The following CADM2 variants were observed in gnomAD, a reference collection of about 807,000 sequenced individuals.
The protein encoded by CADM2 is cell adhesion molecule 2.
In CADM2, 12 loss-of-function variants were observed where a neutral mutation model predicts 49.8. The ratio of observed to expected loss-of-function variants is 0.24; its 90% CI spans 0.15 to 0.39. CADM2 has a LOEUF of 0.39. CADM2 is among the 10% of genes least tolerant of loss of function. The pLI is 1.00. For synonymous variants in CADM2, 214 were observed against 175.4 expected (o/e 1.22, Z -1.74); for missense variants, 378 against 492.3 (o/e 0.77, Z 2.20).
chr3:85,220,463 TG>T (rs1190315739), intron 1 of CADM2, among the ~76,000 whole-genome samples: 39 of 152,128 alleles, frequency 2.6e-4, no homozygotes, highest in Admixed American at 1.3e-4. Context: ...ATTCATTTTT[TG>T]TTTGTCTCTG....
intron 8 of CADM2, among the ~76,000 whole-genome samples, chr3:86,062,609 C>G (rs148808675): frequency 0.038 from 5,703 of 151,654 alleles, 334 homozygotes; most frequent in African/African-American, 0.13. Flanking sequence ...GAAACCCTGT[C>G]TCTACTAAAA....
chr3:85,050,519 C>G (rs1425235306), intron 1 of CADM2, among the ~76,000 whole-genome samples: 1 of 151,856 alleles, frequency 6.6e-6, no homozygotes, highest in African/African-American at 2.4e-5. Flanking sequence ...TATATTTTAT[C>G]TCATTTGATA....
intron 1 of CADM2, among the ~76,000 whole-genome samples, chr3:85,111,316 A>C (rs1265230370): frequency 6.6e-6 from 1 of 151,810 alleles, no homozygotes; most frequent in African/African-American, 2.4e-5. Flanking sequence ...AACTTTTTAA[A>C]GTTAAAAAAT....
intron 1 of CADM2, among the ~76,000 whole-genome samples, chr3:84,963,053 G>T (rs2030687748): frequency 6.6e-6 from 1 of 152,124 alleles, no homozygotes; most frequent in Non-Finnish European, 1.5e-5. Flanking sequence ...TTTAGGAAAT[G>T]AATAATAGAT....
chr3:85,331,393 C>G lies in CADM2; in HGVS notation c.61+371725C>G, dbSNP rs541562559. On this transcript the variant is annotated intron_variant, in intron 1 of 9. Transcript: ENST00000383699. ...ACATGTGATATTTGTTTTTCTGTTC[C>G]TGACTTATTAGCCATATTTTACAAC... 2.0e-5 allele frequency among the ~76,000 whole-genome samples: 3 copies of G among 151,728 alleles called. No homozygotes were observed. The East Asian group carries it at 5.9e-4, about 30-fold the overall frequency.
intron 6 of CADM2, among the ~76,000 whole-genome samples, chr3:85,923,619 A>T (rs9869154): frequency 0.087 from 13,210 of 151,758 alleles, 722 homozygotes; most frequent in Non-Finnish European, 0.12. Context: ...ACTTCTTTTA[A>T]TTTTTTACAA....
At chr3:85,020,702 A>G (rs1283528336) in intron 1 of CADM2, among the ~76,000 whole-genome samples, 1 of 151,962 alleles carries the variant, frequency 6.6e-6, no homozygotes, top group Non-Finnish European at 1.5e-5. Flanking sequence ...ATTAGATATG[A>G]GATTAAGGTG....
intron 3 of CADM2, among the ~76,000 whole-genome samples, chr3:85,808,525 A>G (rs2072604083): frequency 6.6e-6 from 1 of 152,146 alleles, no homozygotes; most frequent in Admixed American, 6.5e-5. Flanking sequence ...GCACAATCTG[A>G]TCAGTTAATG....
chr3:85,372,425 GTGTATATA>G (rs1484190283), intron 1 of CADM2, among the ~76,000 whole-genome samples: 2 of 133,762 alleles, frequency 1.5e-5, no homozygotes, highest in Non-Finnish European at 3.2e-5. Flanking sequence ...GTATATATGT[GTGTATATA>G]TGTATATATG....
chr3:85,019,403 A>G (rs1229032283), intron 1 of CADM2, among the ~76,000 whole-genome samples: 2 of 152,132 alleles, frequency 1.3e-5, no homozygotes, highest in Non-Finnish European at 2.9e-5. Flanking sequence ...AGATCACTTG[A>G]GCCCAGGAGG....
chr3:85,553,773 G>T (rs111779636), intron 1 of CADM2, among the ~76,000 whole-genome samples: 1 of 152,090 alleles, frequency 6.6e-6, no homozygotes, highest in African/African-American at 2.4e-5. Flanking sequence ...TAGTGATTAA[G>T]AATAAGATTA....
At chr3:84,960,700 C>T (rs1056330634) in intron 1 of CADM2, among the ~76,000 whole-genome samples, 7 of 152,072 alleles carry the variant, frequency 4.6e-5, no homozygotes, top group Non-Finnish European at 7.4e-5. Context: ...GTTTGGATGC[C>T]GGATGGCTAA....
intron 1 of CADM2, among the ~76,000 whole-genome samples, chr3:85,456,083 A>G (rs965967119): frequency 1.3e-5 from 2 of 152,148 alleles, no homozygotes; most frequent in African/African-American, 4.8e-5. Context: ...TTACCTTTAA[A>G]TGGGAGTTTT....
chr3:85,507,000 G>T (rs1179761912), intron 1 of CADM2, among the ~76,000 whole-genome samples: 1 of 152,020 alleles, frequency 6.6e-6, no homozygotes, highest in African/African-American at 2.4e-5. Flanking sequence ...AGGTTTTTAA[G>T]TATGAAAAAC....
At chr3:84,981,795 T>C (rs759887898) in intron 1 of CADM2, among the ~76,000 whole-genome samples, 1 of 152,176 alleles carries the variant, frequency 6.6e-6, no homozygotes, top group Admixed American at 6.6e-5. Context: ...ATAGATGGGT[T>C]TGAGAAACTA....
chr3:85,415,901 T>A (rs1035494662), intron 1 of CADM2, among the ~76,000 whole-genome samples: 1 of 152,064 alleles, frequency 6.6e-6, no homozygotes, highest in African/African-American at 2.4e-5. Context: ...TATTGCAAAT[T>A]TGTGGGGGGA....
At chr3:85,299,963 CA>C (rs879571395) in intron 1 of CADM2, among the ~76,000 whole-genome samples, 166 of 151,936 alleles carry the variant, frequency 1.1e-3, no homozygotes, top group Non-Finnish European at 1.9e-3. Flanking sequence ...AGGAATATGA[CA>C]AAAATTCTCA....
At chr3:85,744,907 G>T (rs563004894) in intron 2 of CADM2, among the ~76,000 whole-genome samples, 56 of 152,284 alleles carry the variant, frequency 3.7e-4, no homozygotes, top group African/African-American at 1.3e-3. Flanking sequence ...AGAATGGCAT[G>T]CTCTGCCTTA....
intron 1 of CADM2, among the ~76,000 whole-genome samples, chr3:85,025,427 G>A (rs2034683476): frequency 6.6e-6 from 1 of 152,110 alleles, no homozygotes; most frequent in African/African-American, 2.4e-5. Flanking sequence ...GTACTCACTA[G>A]CATCATTTGT....
Sources: gnomAD v4.1 joint callset for allele counts (sites outside exome capture counted in the v4.1 genomes callset) on GRCh38, gnomAD v4.1.1 for gene constraint, MANE v1.5 for transcripts, NCBI Gene and HGNC (gene_info 2026-07-23, HGNC 2026-07-21) for gene names.